PTPRN2: variants seen among roughly 807,000 people sequenced by gnomAD.
PTPRN2 encodes protein tyrosine phosphatase receptor type N2.
In PTPRN2, 74 loss-of-function variants were observed where a neutral mutation model predicts 118.8. The observed-to-expected ratio is 0.62, with a 90% CI of 0.52 to 0.76. The LOEUF (loss-of-function observed/expected upper bound fraction) is 0.76. Ranked by LOEUF, PTPRN2 falls within the 30% of genes least tolerant of loss-of-function variation. The pLI, the probability that PTPRN2 is intolerant of heterozygous loss-of-function variation, is 0.00. For missense variants in PTPRN2, 1,481 were observed against 1,394.4 expected (o/e 1.06, Z -0.99); for synonymous variants, 641 against 608.0 (o/e 1.05, Z -0.80).
At chr7:158,230,275 AG>A (rs1331732985) in intron 3 of PTPRN2, among the ~76,000 whole-genome samples, 3 of 152,208 alleles carry the variant, frequency 2.0e-5, no homozygotes, top group African/African-American at 7.2e-5. Context: ...TCAGTCTGAA[AG>A]AAAAAAAAGT....
chr7:158,095,489 T>C (rs563037427), intron 10 of PTPRN2, among the ~76,000 whole-genome samples: 7 of 152,262 alleles, frequency 4.6e-5, no homozygotes, highest in Non-Finnish European at 1.0e-4. Context: ...CATTATCGTC[T>C]CTACTCCATG....
chr7:158,413,079 C>G (rs995548806), intron 2 of PTPRN2, among the ~76,000 whole-genome samples: 1 of 150,770 alleles, frequency 6.6e-6, no homozygotes, highest in African/African-American at 2.4e-5. Context: ...CCCGTCTCAG[C>G]GCCCTCCTCA....
chr7:157,686,237 C>G (rs1797186956), intron 12 of PTPRN2, among the ~76,000 whole-genome samples: 1 of 152,222 alleles, frequency 6.6e-6, no homozygotes, highest in African/African-American at 2.4e-5. Flanking sequence ...AAGAGGTCTT[C>G]CCTCCACGCC....
At chr7:158,346,911 T>C (rs776300160) in intron 2 of PTPRN2, among the ~76,000 whole-genome samples, 3 of 152,236 alleles carry the variant, frequency 2.0e-5, no homozygotes, top group Non-Finnish European at 2.9e-5. Flanking sequence ...TTTTGAGAAA[T>C]ATCTACTCAG....
chr7:158,014,676 C>A (rs1170628865), intron 11 of PTPRN2, among the ~76,000 whole-genome samples: 1 of 151,686 alleles, frequency 6.6e-6, no homozygotes, highest in African/African-American at 2.4e-5. Flanking sequence ...CATCTATTTA[C>A]CCATCCATTT....
chr7:158,376,431 G>C (rs1304589860), intron 2 of PTPRN2, among the ~76,000 whole-genome samples: 2 of 140,674 alleles, frequency 1.4e-5, no homozygotes, highest in Non-Finnish European at 1.5e-5. Flanking sequence ...TACGTCCTGA[G>C]GGAGGGGTTC....
Position 157,629,814 on chromosome 7 carries a change from G to A in PTPRN2, c.2197-8305C>T, listed in dbSNP as rs1162683414. Among the ~76,000 whole-genome samples the A allele has an allele frequency of 6.6e-6, 1 of 152,174 alleles. No homozygotes were observed. The highest frequency in any genetic ancestry group is 1.5e-5 in the Non-Finnish European group (1 of 68,036). ...GCAGCACAATGCCCTTTAATTTACTGAACATTACAATCAAACCTTTTGTTA... is the reference window on the plus strand; with the variant it reads ...GCAGCACAATGCCCTTTAATTTACTAAACATTACAATCAAACCTTTTGTTA... On this transcript the variant is annotated intron_variant, in intron 14 of 22. Coordinates refer to ENST00000389418, the MANE Select transcript of PTPRN2 (RefSeq NM_002847.5). The surrounding 1 kb of genome is among the most constrained non-coding windows in gnomAD (Gnocchi z 4.4).
Position 157,929,192 on chromosome 7 carries a change from G to A in PTPRN2, c.1724-30455C>T, listed in dbSNP as rs1040782182. Among the ~76,000 whole-genome samples the A allele has an allele frequency of 1.3e-5, 2 of 152,156 alleles. No homozygotes were observed. Among genetic ancestry groups the A allele is most frequent in the Admixed American group, 6.5e-5 (1 of 15,286 alleles). ...GTCAACACATGCTGCGTTAGCAAAT[G>A]CTGAAGGCAGGGTCGTCCCTGGCAT... On this transcript the variant is annotated intron_variant, in intron 11 of 22. Transcript: ENST00000389418. This position sits in a 1 kb window ranked among gnomAD's most constrained non-coding sequence, Gnocchi z 4.4.
chr7:157,976,074 T>C (rs1201305513), intron 11 of PTPRN2, among the ~76,000 whole-genome samples: 1 of 152,192 alleles, frequency 6.6e-6, no homozygotes, highest in African/African-American at 2.4e-5. Context: ...TCCAAGTCCT[T>C]GTAGCACAAG....
In PTPRN2 at chr7:157,665,323, T is replaced by G. The variant is rs2366645; in HGVS notation, c.2002-8772A>C. On this transcript the variant is annotated intron_variant, in intron 13 of 22. Coordinates refer to ENST00000389418, the MANE Select transcript of PTPRN2 (RefSeq NM_002847.5). ...CTTGGCGACCTTGAGTTTGTAAGGATGAGTAAGACCTTGTGGCATTTGCGT... is the reference window on the plus strand; with the variant it reads ...CTTGGCGACCTTGAGTTTGTAAGGAGGAGTAAGACCTTGTGGCATTTGCGT... Among the ~76,000 whole-genome samples, 44 of 152,262 alleles carry G rather than the reference T, an allele frequency of 2.9e-4. 1 individual carries two copies. The South Asian group carries it at 8.9e-3, about 31-fold the overall frequency.
chr7:157,859,766 A>G (rs1201455683), intron 12 of PTPRN2, among the ~76,000 whole-genome samples: 1 of 104,718 alleles, frequency 9.5e-6, no homozygotes, highest in Non-Finnish European at 2.0e-5. Flanking sequence ...ACACTCCTGC[A>G]GGGAGAGCCC....
At chr7:158,042,448 G>A (rs1291265688) in intron 11 of PTPRN2, among the ~76,000 whole-genome samples, 1 of 152,180 alleles carries the variant, frequency 6.6e-6, no homozygotes, top group African/African-American at 2.4e-5. Flanking sequence ...GCAGCACAGG[G>A]TAATGCACTC....
At chr7:157,904,360 G>A (rs1287124992) in intron 11 of PTPRN2, among the ~76,000 whole-genome samples, 2 of 152,214 alleles carry the variant, frequency 1.3e-5, no homozygotes, top group Non-Finnish European at 2.9e-5. Context: ...GAGCCCATAT[G>A]CTCCCGGTGT....
At chr7:158,205,712 G>A (rs1049393469) in intron 3 of PTPRN2, among the ~76,000 whole-genome samples, 2 of 152,164 alleles carry the variant, frequency 1.3e-5, no homozygotes, top group African/African-American at 2.4e-5. Flanking sequence ...AATTGCTGAT[G>A]TCACCCCTCA....
chr7:158,010,713 T>C (rs1805981678), intron 11 of PTPRN2, among the ~76,000 whole-genome samples: 1 of 152,232 alleles, frequency 6.6e-6, no homozygotes, highest in Non-Finnish European at 1.5e-5. Context: ...GTATGAGAAG[T>C]TTATATACTT....
At chr7:157,614,589 G>A (rs1429950934) in intron 15 of PTPRN2, among the ~76,000 whole-genome samples, 1 of 152,212 alleles carries the variant, frequency 6.6e-6, no homozygotes, top group Non-Finnish European at 1.5e-5. Flanking sequence ...GGGAGTCCCT[G>A]GGAGTGTGTG....
intron 5 of PTPRN2, among the ~76,000 whole-genome samples, chr7:158,169,444 G>GTGTGTT (rs1823334816): frequency 2.6e-5 from 4 of 151,258 alleles, no homozygotes; most frequent in African/African-American, 9.7e-5. Flanking sequence ...GTGTGTGTGT[G>GTGTGTT]TGTGTGTGTG....
intron 11 of PTPRN2, among the ~76,000 whole-genome samples, chr7:157,940,815 A>G (rs1800032218): frequency 1.3e-5 from 1 of 75,164 alleles, no homozygotes; most frequent in Admixed American, 1.6e-4. Flanking sequence ...CTGCAAATCT[A>G]ATGCCCTCCC....
intron 4 of PTPRN2, among the ~76,000 whole-genome samples, chr7:158,199,597 A>G (rs1012082015): frequency 6.6e-6 from 1 of 152,248 alleles, no homozygotes; most frequent in Non-Finnish European, 1.5e-5. Context: ...AACACCAGCT[A>G]CTATGTCACT....
Sources: allele counts gnomAD v4.1 joint callset (sites outside exome capture counted in the v4.1 genomes callset), GRCh38; gene constraint gnomAD v4.1.1; non-coding constraint Gnocchi (gnomAD v3.1); transcripts MANE v1.5; gene names NCBI Gene and HGNC (gene_info 2026-07-23, HGNC 2026-07-21).